The following AP1G2 variants were observed in gnomAD, a reference collection of about 807,000 sequenced individuals.
AP1G2 encodes the protein AP-1 complex subunit gamma-like 2.
Under a neutral mutation model 95.8 loss-of-function variants are expected in AP1G2, and 85 were observed. That is an observed-to-expected ratio of 0.89 (90% confidence interval 0.74 to 1.06). The LOEUF is 1.06. Ranked by LOEUF, AP1G2 falls within the 50% of genes least tolerant of loss-of-function variation. AP1G2 has a pLI of 0.00. For synonymous variants in AP1G2, 378 were observed against 400.0 expected (o/e 0.94, Z 0.66); for missense variants, 967 against 1,005.8 (o/e 0.96, Z 0.52).
intron 14 of AP1G2, chr14:23,563,140 G>C: frequency 7.1e-7 from 1 of 1,407,184 alleles, no homozygotes; most frequent in Non-Finnish European, 9.2e-7. Flanking sequence ...CTAAGAGGCA[G>C]TCAGGGTACA....
intron 14 of AP1G2, 169 bp downstream of exon 14, chr14:23,563,211 C>A (rs1366352895): frequency 9.0e-6 from 13 of 1,443,858 alleles, no homozygotes; most frequent in Non-Finnish European, 1.2e-5. Context: ...AGAGTCAGGA[C>A]AAAAGCCCAG....
At chr14:23,563,661 G>A in intron 12 of AP1G2, 23 bp from the exon 13 acceptor site, 4 of 1,614,204 alleles carry the variant, frequency 2.5e-6, no homozygotes, top group Middle Eastern at 1.6e-4. Flanking sequence ...TGGCTCATCA[G>A]TCCTGGTACT....
At position 23,564,555 on chromosome 14, in the gene AP1G2, G is replaced by A; in HGVS notation, c.921+7C>T. 5 of 1,612,834 alleles carry A rather than the reference G, an allele frequency of 3.1e-6. No homozygotes were observed. The highest frequency in any genetic ancestry group is 3.4e-6 in the Non-Finnish European group (4 of 1,179,592). On this transcript the variant is annotated splice_region_variant and intron_variant, in intron 9 of 21. Coordinates refer to ENST00000397120, the MANE Select transcript of AP1G2 (RefSeq NM_003917.5). ...GGCCGTAGTGGGAGAGGCATAAGGG[G>A]TGATACCCGTAGGCCAGCTGCAGAG...
chr14:23,566,316 T>A lies in AP1G2; in HGVS notation c.433A>T (p.Lys145Ter), dbSNP rs1887958786. The A allele has an allele frequency of 6.2e-7, 1 of 1,613,918 alleles. No homozygotes were observed. Among genetic ancestry groups the A allele is most frequent in the Non-Finnish European group, 8.5e-7 (1 of 1,180,008 alleles). Residue 145 changes from lysine (K) to a stop codon, truncating the protein, a stop_gained, in exon 4 of 22, where the codon AAA (lysine) becomes TAA (stop). Transcript: ENST00000397120. LOFTEE classifies it high-confidence loss of function. The stretch of plus-strand genomic sequence containing the variant: ...TAGGGACTGGGCTGCAGGAGCAGTT[T>A]CTCCACCTCTGGGGCCAGGTCTCGG... Reference protein sequence around the residue: ...MCRDLAPEVEKLLLQPSPYVR... With the variant: ...MCRDLAPEVE
intron 17 of AP1G2, 125 bp from the exon 18 acceptor site, chr14:23,561,760 T>C (rs2139130914): frequency 6.8e-7 from 1 of 1,479,206 alleles, no homozygotes; most frequent in East Asian, 2.5e-5. Context: ...CCTTCTGATT[T>C]CCTAAAATGA....
chr14:23,566,266 C>G lies in AP1G2; in HGVS notation c.471+12G>C, dbSNP rs1887924808. On this transcript the variant is annotated intron_variant, in intron 4 of 21. Transcript: ENST00000397120. ...TGTGCAGGAGCACGTGCCAGGAGTC[C>G]CGCCATCTCACCTTCTTGCGCACGT... The G allele has an allele frequency of 6.2e-7, 1 of 1,613,252 alleles. No homozygotes were observed. Among genetic ancestry groups the G allele is most frequent in the South Asian group, 1.1e-5 (1 of 91,008 alleles).
At position 23,566,292 on chromosome 14, in the gene AP1G2, A is replaced by G; in HGVS notation, c.457T>C (p.Tyr153His). The change falls in exon 4 of 22, where the codon TAC becomes CAC. Residue 153 changes from tyrosine to histidine, a missense_variant. Physicochemically the swap from Tyr to His is moderately conservative, Grantham distance 83. Coordinates refer to ENST00000397120, the MANE Select transcript of AP1G2 (RefSeq NM_003917.5). ...CGCCATCTCACCTTCTTGCGCACGTAGGGACTGGGCTGCAGGAGCAGTTTC... is the reference window on the plus strand; with the variant it reads ...CGCCATCTCACCTTCTTGCGCACGTGGGGACTGGGCTGCAGGAGCAGTTTC... ...VEKLLLQPSP[Y>H]VRKKAILTAV... 1.2e-6 allele frequency: 2 copies of G among 1,613,940 alleles called. No homozygotes were observed. Among genetic ancestry groups the G allele is most frequent in the Non-Finnish European group, 1.7e-6 (2 of 1,180,006 alleles).
chr14:23,564,171 G>T lies in AP1G2; in HGVS notation c.978-12C>A, dbSNP rs376897001. 2.5e-6 allele frequency: 4 copies of T among 1,613,388 alleles called. No individual in the cohort carries two copies. Among genetic ancestry groups the T allele is most frequent in the South Asian group, 1.1e-5 (1 of 90,958 alleles). ...TCAGGGCTACATACCTGGTCAGGAT[G>T]GGGGAGGTTCTATCATACCATGGCC... On this transcript the variant is annotated splice_polypyrimidine_tract_variant and intron_variant, in intron 10 of 21. Transcript: ENST00000397120.
chr14:23,559,690 CTGCTGGGGCCCCCTGGGG>C lies in AP1G2; in HGVS notation c.*41_*58del. 1 of 1,548,774 alleles carries C rather than the reference CTGCTGGGGCCCCCTGGGG, an allele frequency of 6.5e-7. No individual in the cohort carries two copies. The highest frequency in any genetic ancestry group is 8.9e-7 in the Non-Finnish European group (1 of 1,127,984). Reference sequence around the variant, plus strand: ...GTAGCCCTCAGGTGTAGGTTCGAAGCTGCTGGGGCCCCCTGGGGTTTGGGACACAGGAGAATTTCAGGC... The same window carrying C: ...GTAGCCCTCAGGTGTAGGTTCGAAGCTTTGGGACACAGGAGAATTTCAGGC... On this transcript the variant is annotated 3_prime_UTR_variant, in exon 22 of 22. Coordinates refer to ENST00000397120, the MANE Select transcript of AP1G2 (RefSeq NM_003917.5).
At chr14:23,564,257 A>T in intron 10 of AP1G2, 76 bp downstream of exon 10, 1 of 1,613,682 alleles carries the variant, frequency 6.2e-7, no homozygotes, top group Admixed American at 1.7e-5. Flanking sequence ...GAAATGGATC[A>T]GGAGGCTCTG....
intron 14 of AP1G2, chr14:23,563,100 A>T: frequency 7.4e-7 from 1 of 1,344,336 alleles, no homozygotes; most frequent in Non-Finnish European, 9.5e-7. Context: ...AAAACCTCAT[A>T]AACACAAGAG....
chr14:23,560,518 C>G (rs1883752603), intron 19 of AP1G2, 100 bp from the exon 20 acceptor site: 3 of 1,262,792 alleles, frequency 2.4e-6, no homozygotes, highest in Non-Finnish European at 3.3e-6. Flanking sequence ...TGGCCCTGCA[C>G]TACTCGAAAG....
chr14:23,560,465 C>G (rs757945890), intron 19 of AP1G2, 47 bp from the exon 20 acceptor site: 1 of 1,566,446 alleles, frequency 6.4e-7, no homozygotes, highest in Non-Finnish European at 8.7e-7. Flanking sequence ...TTTGAGAGAA[C>G]ATGTTTGTTC....
At chr14:23,562,742 A>AT in intron 14 of AP1G2, 149 bp from the exon 15 acceptor site, 1 of 704,122 alleles carries the variant, frequency 1.4e-6, no homozygotes, top group Non-Finnish European at 2.3e-6. Context: ...CCCCATCTCT[A>AT]TTTTAAAAAA....
At chr14:23,566,239 A>G in intron 4 of AP1G2, 39 bp downstream of exon 4, 1 of 1,611,046 alleles carries the variant, frequency 6.2e-7, no homozygotes, top group Non-Finnish European at 8.5e-7. Context: ...CGCAGCAGGC[A>G]GTGTGCAGGA....
Position 23,561,558 on chromosome 14 carries a change from T to G in AP1G2, c.1811A>C (p.Glu604Ala), listed in dbSNP as rs147216742. The change falls in exon 18 of 22, where the codon GAA (glutamate) becomes GCA (alanine). Residue 604 changes from glutamate to alanine, a missense_variant. Transcript: ENST00000397120. The stretch of plus-strand genomic sequence containing the variant: ...GGCTGCTTCTGAAAGCTGGGCTGCT[T>G]CTTTGCTTTCCTTTGCTTCCTCATC... ...QADEEAKESK[E>A]AAQLSEAAPV... The G allele has an allele frequency of 8.9e-5, 143 of 1,614,170 alleles. No individual in the cohort carries two copies. The African/African-American group carries it at 1.1e-3, about 12-fold the overall frequency.
rs373468280 is a variant in AP1G2, at chr14:23,567,287, C to A, written c.28G>T (p.Asp10Tyr). ...GCCCCGCGAATCTCTTCGATGAGGT[C>A]CTGAAGCTTCAGCGAAGGCACCACC... MVVPSLKLQ[D>Y]LIEEIRGAKT... Residue 10 changes from aspartate to tyrosine, a missense_variant, in exon 2 of 22, where the codon GAC (aspartate) becomes TAC (tyrosine). Coordinates refer to ENST00000397120, the MANE Select transcript of AP1G2 (RefSeq NM_003917.5). The surrounding 1 kb of genome is among the most constrained non-coding windows in gnomAD (Gnocchi z 5.3). 1.4e-5 allele frequency: 23 copies of A among 1,613,058 alleles called. No homozygotes were observed. Among genetic ancestry groups the A allele is most frequent in the Non-Finnish European group, 1.9e-5 (22 of 1,179,714 alleles).
intron 20 of AP1G2, 38 bp from the exon 21 acceptor site, chr14:23,560,074 A>T: frequency 6.8e-7 from 1 of 1,478,824 alleles, no homozygotes; most frequent in Non-Finnish European, 9.4e-7. Flanking sequence ...GTATGGCAGT[A>T]GGTAGGGCTC....
rs374762900 is a variant in AP1G2, at chr14:23,561,600, C to T, written c.1769G>A (p.Arg590Gln). 58 of 1,613,980 alleles carry T rather than the reference C, an allele frequency of 3.6e-5. No homozygotes were observed. The highest frequency in any genetic ancestry group is 2.5e-4 in the African/African-American group (19 of 74,896). Residue 590 changes from arginine to glutamine, a missense_variant, in exon 18 of 22, where the codon CGA becomes CAA. Physicochemically the swap from Arg to Gln is conservative, Grantham distance 43 (BLOSUM62 1). Transcript: ENST00000397120. ...TTCCTCATCAGCCTGAGGGCCATCT[C>T]GCTCCACAAGAGGCATTTTTTCCAG... ...AILEKMPLVE[R>Q]DGPQADEEAK...
Sources: gnomAD v4.1 joint callset for allele counts on GRCh38, gnomAD v4.1.1 for gene constraint, Gnocchi (gnomAD v3.1) non-coding constraint, MANE v1.5 for transcripts, NCBI Gene and HGNC (gene_info 2026-07-23, HGNC 2026-07-21) for gene names.